Variants in ERBB4 observed in about 807,000 individuals in gnomAD.
The protein encoded by ERBB4 is erb-b2 receptor tyrosine kinase 4.
Under a neutral mutation model 158.0 loss-of-function variants are expected in ERBB4, and 42 were observed. That is an observed-to-expected ratio of 0.27 (90% CI 0.21 to 0.34). ERBB4 has a LOEUF of 0.34. ERBB4 is among the 10% of genes least tolerant of loss of function. The pLI is 1.00. For synonymous variants in ERBB4, 583 were observed against 558.7 expected (o/e 1.04, Z -0.61); for missense variants, 1,333 against 1,624.1 (o/e 0.82, Z 3.08).
chr2:212,226,692 A>G (rs1521643), intron 1 of ERBB4, among the ~76,000 whole-genome samples: 77,330 of 151,886 alleles, frequency 0.51, 20,271 homozygotes, highest in East Asian at 0.76. Flanking sequence ...TCTATGTTAT[A>G]TAGAACATAA....
intron 3 of ERBB4, among the ~76,000 whole-genome samples, chr2:211,843,485 T>C (rs892393906): frequency 6.6e-6 from 1 of 152,096 alleles, no homozygotes; most frequent in Non-Finnish European, 1.5e-5. Context: ...AGTCATTGTA[T>C]ACCACAGACT....
At chr2:211,758,009 A>G (rs893301341) in intron 4 of ERBB4, among the ~76,000 whole-genome samples, 1 of 152,224 alleles carries the variant, frequency 6.6e-6, no homozygotes, top group Admixed American at 6.5e-5. Context: ...TTTAAGGAGA[A>G]CAGATAGAGC....
rs868568116 is a variant in ERBB4 at position 212,056,602 on chromosome 2, G to T, written c.234+68150C>A. On this transcript the variant is annotated intron_variant, in intron 2 of 27. Coordinates refer to ENST00000342788, the MANE Select transcript of ERBB4 (RefSeq NM_005235.3). ...CTCTTGGCAGAAACTCTACAAGACA[G>T]AAGAGAGTGGAGACCAATATTCAAC... 2.6e-5 allele frequency among the ~76,000 whole-genome samples: 4 copies of T among 152,348 alleles called. No homozygotes were observed. In the East Asian group the frequency reaches 7.7e-4, roughly 29 times the overall value.
At chr2:211,460,787 T>C (rs2064511052) in intron 20 of ERBB4, among the ~76,000 whole-genome samples, 1 of 152,194 alleles carries the variant, frequency 6.6e-6, no homozygotes, top group South Asian at 2.1e-4. Context: ...TTAAATCCTT[T>C]CAAATGTTTA....
At chr2:212,513,693 C>T (rs2106287946) in intron 1 of ERBB4, among the ~76,000 whole-genome samples, 1 of 152,264 alleles carries the variant, frequency 6.6e-6, no homozygotes, top group East Asian at 1.9e-4. Context: ...CGCCTGTAGT[C>T]CCAGCTACTC....
chr2:211,701,776 AAAAAAAAAG>A (rs1159523480), intron 12 of ERBB4, among the ~76,000 whole-genome samples, 182 bp downstream of exon 12: 1 of 144,832 alleles, frequency 6.9e-6, no homozygotes, highest in Non-Finnish European at 1.5e-5. Flanking sequence ...AAAAAAAAAA[AAAAAAAAAG>A]AAAGTCACTT....
At chr2:212,501,456 A>G (rs1195619548) in intron 1 of ERBB4, among the ~76,000 whole-genome samples, 3 of 152,248 alleles carry the variant, frequency 2.0e-5, no homozygotes, top group Non-Finnish European at 4.4e-5. Context: ...AAGTCAAACA[A>G]TAGCTCAAGA....
At position 211,570,325 on chromosome 2, in the gene ERBB4, C is replaced by CTTTTT. The variant is rs769458178; in HGVS notation, c.2302-8242_2302-8238dup. Among the ~76,000 whole-genome samples the CTTTTT allele has an allele frequency of 9.5e-5, 10 of 105,212 alleles. 1 individual carries two copies. Among genetic ancestry groups the CTTTTT allele is most frequent in the African/African-American group, 1.6e-4 (4 of 25,354 alleles). 69.0% of individuals were successfully genotyped at this position (105,212 alleles called of 152,430 possible). ...CGCCACCACACTTGGCTAATTTTTG[C>CTTTTT]TTTTTTTTTTTTTTTTTTCTCAGTA... On this transcript the variant is annotated intron_variant, in intron 19 of 27. Transcript: ENST00000342788.
chr2:211,410,820 AC>A (rs2063241179), intron 25 of ERBB4, among the ~76,000 whole-genome samples: 1 of 152,206 alleles, frequency 6.6e-6, no homozygotes, highest in South Asian at 2.1e-4. Flanking sequence ...AGATATTATA[AC>A]CCAACCCTAT....
intron 2 of ERBB4, among the ~76,000 whole-genome samples, chr2:212,050,978 G>C (rs950988739): frequency 6.6e-6 from 1 of 152,108 alleles, no homozygotes; most frequent in African/African-American, 2.4e-5. Context: ...GAATGTAAAA[G>C]AGCAGCCTTT....
intron 12 of ERBB4, among the ~76,000 whole-genome samples, chr2:211,691,594 GTGTGTGTGTA>G (rs1016928320): frequency 3.8e-4 from 54 of 143,738 alleles, no homozygotes; most frequent in Non-Finnish European, 7.0e-4. Flanking sequence ...GTGTGTGTGT[GTGTGTGTGTA>G]TATATATAAC....
intron 19 of ERBB4, among the ~76,000 whole-genome samples, chr2:211,573,377 T>C (rs1415686185): frequency 6.6e-6 from 1 of 152,136 alleles, no homozygotes; most frequent in Non-Finnish European, 1.5e-5. Context: ...TTCAGTTAAA[T>C]TGTTTCAGAA....
chr2:212,041,154 G>C (rs904514150), intron 2 of ERBB4, among the ~76,000 whole-genome samples: 2 of 152,030 alleles, frequency 1.3e-5, no homozygotes, highest in Non-Finnish European at 2.9e-5. Context: ...CAAAGAAAGT[G>C]GAAACTGAAT....
chr2:212,345,300 T>C (rs965964267), intron 1 of ERBB4, among the ~76,000 whole-genome samples: 1 of 122,564 alleles, frequency 8.2e-6, no homozygotes, highest in African/African-American at 3.1e-5. Context: ...TTGCCTAGCA[T>C]GTAGTGAGTC....
chr2:212,355,650 T>G (rs2089435929), intron 1 of ERBB4, among the ~76,000 whole-genome samples: 1 of 152,036 alleles, frequency 6.6e-6, no homozygotes, highest in African/African-American at 2.4e-5. Context: ...TGCAATATGC[T>G]CATAAATAAA....
At chr2:211,805,788 G>A (rs970248475) in intron 3 of ERBB4, among the ~76,000 whole-genome samples, 1 of 151,400 alleles carries the variant, frequency 6.6e-6, no homozygotes, top group Non-Finnish European at 1.5e-5. Flanking sequence ...CAGATAATTT[G>A]AGAAAAAAAT....
chr2:212,053,998 C>G (rs918039151), intron 2 of ERBB4, among the ~76,000 whole-genome samples: 12 of 152,086 alleles, frequency 7.9e-5, no homozygotes, highest in African/African-American at 2.9e-4. Flanking sequence ...TGAGAGAGAA[C>G]AGAAGAGGGG....
At chr2:212,063,261 GA>G (rs1340925466) in intron 2 of ERBB4, among the ~76,000 whole-genome samples, 2 of 151,706 alleles carry the variant, frequency 1.3e-5, no homozygotes, top group African/African-American at 4.8e-5. Flanking sequence ...TTTAGAACAA[GA>G]AAAAAATATT....
chr2:211,842,322 T>C (rs1418764551), intron 3 of ERBB4, among the ~76,000 whole-genome samples: 1 of 151,974 alleles, frequency 6.6e-6, no homozygotes, highest in Non-Finnish European at 1.5e-5. Flanking sequence ...TTTTCCTTGT[T>C]AATACAATGT....
Sources: gnomAD v4.1 joint callset for allele counts (sites outside exome capture counted in the v4.1 genomes callset) on GRCh38, gnomAD v4.1.1 for gene constraint, MANE v1.5 for transcripts, NCBI Gene and HGNC (gene_info 2026-07-23, HGNC 2026-07-21) for gene names.